The following NBEA variants were observed in gnomAD, a reference collection of about 807,000 sequenced individuals.
NBEA encodes the protein neurobeachin.
Under a neutral mutation model 343.4 loss-of-function variants are expected in NBEA, and 44 were observed. That is an observed-to-expected ratio of 0.13 (90% CI 0.10 to 0.16). The LOEUF (loss-of-function observed/expected upper bound fraction) is 0.16, where lower values mean the gene tolerates loss of function less well. Among genes scored for constraint, NBEA ranks in the 10% least tolerant of loss-of-function variants. The pLI is 1.00. For missense variants in NBEA, 2,555 were observed against 3,631.3 expected (o/e 0.70, Z 7.62); for synonymous variants, 1,175 against 1,238.7 (o/e 0.95, Z 1.08).
intron 38 of NBEA, among the ~76,000 whole-genome samples, chr13:35,368,708 A>G (rs2041262234): frequency 6.6e-6 from 1 of 151,654 alleles, no homozygotes; most frequent in South Asian, 2.1e-4. Flanking sequence ...TATTATTTTT[A>G]ATACACAGTA....
intron 1 of NBEA, among the ~76,000 whole-genome samples, chr13:35,031,492 A>T (rs1198320282): frequency 6.6e-6 from 1 of 150,998 alleles, no homozygotes; most frequent in Admixed American, 6.6e-5. Flanking sequence ...ATTGGTGACT[A>T]CTTTTTTTCT....
intron 10 of NBEA, among the ~76,000 whole-genome samples, chr13:35,078,010 G>A (rs995285974): frequency 2.0e-5 from 3 of 152,162 alleles, no homozygotes; most frequent in African/African-American, 4.8e-5. Context: ...GAATTAGGGA[G>A]GAGATTTAAC....
intron 25 of NBEA, among the ~76,000 whole-genome samples, 152 bp downstream of exon 25, chr13:35,169,147 G>T (rs1303249616): frequency 6.6e-6 from 1 of 151,306 alleles, no homozygotes; most frequent in Non-Finnish European, 1.5e-5. Flanking sequence ...TCATTGAAAG[G>T]ATTATTTTCC....
At chr13:35,375,130 T>A (rs548327176) in intron 38 of NBEA, among the ~76,000 whole-genome samples, 116 of 152,260 alleles carry the variant, frequency 7.6e-4, no homozygotes, top group African/African-American at 2.7e-3. Flanking sequence ...TAATTATAAT[T>A]AGTCACTTTC....
rs541428122 is a variant in NBEA at position 35,322,231 on chromosome 13, G to T, written c.5903+12639G>T. Reference sequence around the variant, plus strand: ...GAAACCCAGGGCCCTGGTGATGTAGGCACCCAAGAAAATCTCCTGGTCTGT... The same window carrying T: ...GAAACCCAGGGCCCTGGTGATGTAGTCACCCAAGAAAATCTCCTGGTCTGT... On this transcript the variant is annotated intron_variant, in intron 36 of 58. Coordinates refer to ENST00000379939, the MANE Select transcript of NBEA (RefSeq NM_001385012.1). Among the ~76,000 whole-genome samples the T allele has an allele frequency of 2.8e-4, 42 of 152,310 alleles. No homozygotes were observed. In the South Asian group the frequency reaches 7.3e-3, roughly 26 times the overall value.
intron 17 of NBEA, among the ~76,000 whole-genome samples, chr13:35,123,805 AAAAG>A (rs1328876883): frequency 1.3e-5 from 2 of 152,162 alleles, no homozygotes; most frequent in Non-Finnish European, 2.9e-5. Flanking sequence ...ATTCTTCCTG[AAAAG>A]AAAGCATTAT....
rs188749066 is a variant in NBEA at position 35,473,394 on chromosome 13, A to G, written c.6585+858A>G. Among the ~76,000 whole-genome samples, 17 of 152,334 alleles carry G rather than the reference A, an allele frequency of 1.1e-4. No individual in the cohort carries two copies. The East Asian group carries it at 2.9e-3, about 26-fold the overall frequency. On this transcript the variant is annotated intron_variant, in intron 41 of 58. Coordinates refer to ENST00000379939, the MANE Select transcript of NBEA (RefSeq NM_001385012.1). ...GGCAGTTATTCTAAAATAGTCAAAGACAAATGCTCCCACAGATCCAGAACT... is the reference window on the plus strand; with the variant it reads ...GGCAGTTATTCTAAAATAGTCAAAGGCAAATGCTCCCACAGATCCAGAACT...
chr13:35,060,035 A>G (rs1178564886), intron 8 of NBEA, among the ~76,000 whole-genome samples: 1 of 151,650 alleles, frequency 6.6e-6, no homozygotes, highest in African/African-American at 2.4e-5. Context: ...TTGATCTTGC[A>G]TAGGAATATT....
intron 2 of NBEA, 149 bp from the exon 3 acceptor site, chr13:35,044,798 T>G: frequency 2.8e-6 from 1 of 359,776 alleles, no homozygotes. Context: ...CATGAGGACA[T>G]TTAGCTGTAT....
At chr13:35,000,595 C>CACAG in intron 1 of NBEA, among the ~76,000 whole-genome samples, 1 of 149,912 alleles carries the variant, frequency 6.7e-6, no homozygotes, top group South Asian at 2.1e-4. Flanking sequence ...ATATATATAA[C>CACAG]ACACACACAC....
intron 10 of NBEA, among the ~76,000 whole-genome samples, chr13:35,076,708 G>C (rs1374555180): frequency 6.6e-6 from 1 of 152,008 alleles, no homozygotes; most frequent in East Asian, 1.9e-4. Context: ...AAATTCTGGC[G>C]ACCATGGACA....
Position 35,427,839 on chromosome 13 carries a change from G to GC in NBEA, c.6180-4426dup, listed in dbSNP as rs199901567. On this transcript the variant is annotated intron_variant, in intron 38 of 58. Coordinates refer to ENST00000379939, the MANE Select transcript of NBEA (RefSeq NM_001385012.1). Reference sequence around the variant, plus strand: ...TAATCAATTCTCAGCAATGGCGGGCGCCCCTTCCCCAGTCTCACTGCCACC... The same window carrying GC: ...TAATCAATTCTCAGCAATGGCGGGCGCCCCCTTCCCCAGTCTCACTGCCACC... Among the ~76,000 whole-genome samples the GC allele has an allele frequency of 7.8e-3, 1,195 of 152,268 alleles. 15 individuals carry two copies. Among genetic ancestry groups the GC allele is most frequent in the African/African-American group, 0.028 (1,156 of 41,558 alleles).
intron 1 of NBEA, among the ~76,000 whole-genome samples, chr13:34,976,625 G>A (rs1219204865): frequency 6.7e-6 from 1 of 149,870 alleles, no homozygotes; most frequent in Non-Finnish European, 1.5e-5. Flanking sequence ...GGATTGGATA[G>A]ATATCTTTTT....
chr13:35,290,468 C>A lies in NBEA; in HGVS notation c.5838+18C>A. ...GTTCTCAGGTACAAAATCCCATTCA[C>A]TCAGTTACATTAATATATGAGGGTT... On this transcript the variant is annotated intron_variant, in intron 35 of 58. Coordinates refer to ENST00000379939, the MANE Select transcript of NBEA (RefSeq NM_001385012.1). The A allele has an allele frequency of 6.3e-7, 1 of 1,583,772 alleles. No individual in the cohort carries two copies. The highest frequency in any genetic ancestry group is 8.7e-7 in the Non-Finnish European group (1 of 1,155,786).
intron 41 of NBEA, among the ~76,000 whole-genome samples, chr13:35,482,578 A>AGAAGCAT (rs1482289552): frequency 1.3e-5 from 2 of 151,654 alleles, no homozygotes; most frequent in African/African-American, 4.8e-5. Flanking sequence ...CAATCAAATT[A>AGAAGCAT]GAAGCATGAA....
chr13:35,294,416 T>C (rs537988058), intron 35 of NBEA, among the ~76,000 whole-genome samples: 14 of 152,096 alleles, frequency 9.2e-5, no homozygotes, highest in Non-Finnish European at 1.8e-4. Context: ...AAAATATTCA[T>C]TGTAAGTACT....
chr13:35,226,992 A>G (rs976520368), intron 33 of NBEA, among the ~76,000 whole-genome samples: 55 of 152,268 alleles, frequency 3.6e-4, no homozygotes, highest in African/African-American at 1.3e-3. Flanking sequence ...AAAATATTCT[A>G]TTTAGCTTCA....
At chr13:35,247,062 G>T (rs186306981) in intron 34 of NBEA, among the ~76,000 whole-genome samples, 202 of 152,246 alleles carry the variant, frequency 1.3e-3, no homozygotes, top group African/African-American at 4.8e-3. Flanking sequence ...TGTCAGGGAA[G>T]TGCAGGAAAG....
At chr13:35,053,470 C>T (rs2063137434) in intron 6 of NBEA, among the ~76,000 whole-genome samples, 1 of 152,022 alleles carries the variant, frequency 6.6e-6, no homozygotes, top group African/African-American at 2.4e-5. Flanking sequence ...AGTCTTTCTT[C>T]TCTATTTGTC....
Sources: gnomAD v4.1 joint callset for allele counts (sites outside exome capture counted in the v4.1 genomes callset) on GRCh38, gnomAD v4.1.1 for gene constraint, MANE v1.5 for transcripts, NCBI Gene and HGNC (gene_info 2026-07-23, HGNC 2026-07-21) for gene names.